Variants in TRPM4 observed in about 807,000 individuals in gnomAD.
TRPM4 encodes calcium-activated non-selective cation channel 1.
A neutral mutation model predicts 135.6 loss-of-function variants in TRPM4; 124 were observed. The observed-to-expected ratio is 0.91, with a 90% CI of 0.79 to 1.06. The LOEUF (loss-of-function observed/expected upper bound fraction) is 1.06. Ranked by LOEUF, TRPM4 falls within the 50% of genes least tolerant of loss-of-function variation. The pLI is 0.00. For missense variants in TRPM4, 1,658 were observed against 1,671.4 expected (o/e 0.99, Z 0.14); for synonymous variants, 745 against 705.6 (o/e 1.06, Z -0.88).
chr19:49,200,553 T>A, intron 18 of TRPM4, 58 bp from the exon 19 acceptor site: 3 of 1,602,592 alleles, frequency 1.9e-6, no homozygotes, highest in Non-Finnish European at 1.7e-6. Flanking sequence ...TTTTGGGATA[T>A]AGGGGTGGGG....
In TRPM4 at chr19:49,181,480, G is replaced by C. The variant is rs201208460; in HGVS notation, c.1263+19G>C. On this transcript the variant is annotated intron_variant, in intron 10 of 24. Coordinates refer to ENST00000252826, the MANE Select transcript of TRPM4 (RefSeq NM_017636.4). Reference sequence around the variant, plus strand: ...ATGGCGGGTGAGGGGTCAGGGCCTGGGGGTTGGGCATACTGACAAAGGGAC... The same window carrying C: ...ATGGCGGGTGAGGGGTCAGGGCCTGCGGGTTGGGCATACTGACAAAGGGAC... The C allele has an allele frequency of 6.3e-7, 1 of 1,577,370 alleles. No homozygotes were observed. The highest frequency in any genetic ancestry group is 2.2e-5 in the East Asian group (1 of 44,690).
intron 17 of TRPM4, 70 bp downstream of exon 17, chr19:49,196,944 C>T: frequency 6.9e-7 from 1 of 1,446,732 alleles, no homozygotes; most frequent in South Asian, 1.3e-5. Flanking sequence ...CTCCCGGGGT[C>T]TCCACTCCCG....
intron 20 of TRPM4, among the ~76,000 whole-genome samples, chr19:49,202,526 A>T (rs57100476): frequency 6.6e-6 from 1 of 151,906 alleles, no homozygotes; most frequent in Non-Finnish European, 1.5e-5. Context: ...ATTTAAAAAA[A>T]TTTTTGGAGA....
chr19:49,178,737 GTATTAT>G (rs35033537), intron 9 of TRPM4, among the ~76,000 whole-genome samples: 33 of 118,826 alleles, frequency 2.8e-4, no homozygotes, highest in African/African-American at 1.0e-3. Flanking sequence ...ATAAAGCAAG[GTATTAT>G]TATTATTATT....
chr19:49,171,311 A>T lies in TRPM4; in HGVS notation c.797-46A>T, dbSNP rs2122831146. ...AATGCGGTTTTCTCCTATCTCCAGC[A>T]AAGGCTGATGGGAGGTAATCAAGCC... On this transcript the variant is annotated intron_variant, in intron 6 of 24. Transcript: ENST00000252826. The surrounding 1 kb of genome is among the most constrained non-coding windows in gnomAD (Gnocchi z 4.7). 6.2e-7 allele frequency: 1 copy of T among 1,610,936 alleles called. No individual in the cohort carries two copies. Among genetic ancestry groups the T allele is most frequent in the Middle Eastern group, 1.7e-4 (1 of 6,058 alleles).
At chr19:49,164,078 T>C (rs1490154950) in intron 2 of TRPM4, among the ~76,000 whole-genome samples, 1 of 152,256 alleles carries the variant, frequency 6.6e-6, no homozygotes, top group Non-Finnish European at 1.5e-5. Context: ...GCACCTCTGC[T>C]ATCCCTTCTG....
chr19:49,194,153 CA>C (rs1968533665), intron 16 of TRPM4, among the ~76,000 whole-genome samples: 2 of 151,432 alleles, frequency 1.3e-5, no homozygotes, highest in East Asian at 3.9e-4. Flanking sequence ...TCCTCCTCTT[CA>C]TCCTCCTCCT....
rs761730198 is a variant in TRPM4, at chr19:49,190,241, G to A, written c.2053G>A (p.Ala685Thr). ...LLTQKWWGDM[A>T]STTPIWALVL... ...GACACAGAAGTGGTGGGGAGATATG[G>A]CCAGCACTACACCCATCTGGGCCCT... The change falls in exon 15 of 25, where the codon GCC (alanine) becomes ACC (threonine). Residue 685 changes from alanine (A) to threonine (T), a missense_variant. Transcript: ENST00000252826. The A allele has an allele frequency of 6.2e-7, 1 of 1,614,128 alleles. No homozygotes were observed. The highest frequency in any genetic ancestry group is 1.1e-5 in the South Asian group (1 of 91,082).
Position 49,168,707 on chromosome 19 carries a change from A to C in TRPM4, c.767A>C (p.Tyr256Ser). Residue 256 changes from tyrosine to serine, a missense_variant, in exon 6 of 25, where the codon TAC (tyrosine) becomes TCC (serine). By Grantham distance (144) the Tyr-to-Ser change is moderately radical (BLOSUM62 -2). Around this residue, in one of 3 missense-constraint regions of TRPM4, gnomAD observed 1,412 missense variants for 1,408.7 expected, o/e 1.00. Transcript: ENST00000252826. ...CGCTTCCGCTTGCGCCTGGAGTCCT[A>C]CATCTCACAGCAGAAGACGGGCGTG... ...ENRFRLRLES[Y>S]ISQQKTGVGG... The C allele has an allele frequency of 6.2e-7, 1 of 1,604,830 alleles. No homozygotes were observed. Among genetic ancestry groups the C allele is most frequent in the Non-Finnish European group, 8.5e-7 (1 of 1,176,412 alleles).
At chr19:49,199,322 G>A (rs958264659) in intron 17 of TRPM4, among the ~76,000 whole-genome samples, 4 of 152,000 alleles carry the variant, frequency 2.6e-5, no homozygotes, top group African/African-American at 9.7e-5. Flanking sequence ...GCAGTGGCGC[G>A]ATCTCGGCTC....
chr19:49,208,000 G>A (rs1969212315), intron 20 of TRPM4, among the ~76,000 whole-genome samples: 1 of 152,134 alleles, frequency 6.6e-6, no homozygotes, highest in African/African-American at 2.4e-5. Context: ...GATTGATAAG[G>A]TCACGTGAGT....
In TRPM4 at chr19:49,166,214, A is replaced by C. The variant is rs1000130417; in HGVS notation, c.266A>C (p.Asn89Thr). Residue 89 changes from asparagine (N) to threonine (T), a missense_variant and splice_region_variant, in exon 3 of 25, where the codon AAT (asparagine) becomes ACT (threonine). Physicochemically the swap from Asn to Thr is moderately conservative, Grantham distance 65. Coordinates refer to ENST00000252826, the MANE Select transcript of TRPM4 (RefSeq NM_017636.4). ...DFTGAGRKHS[N>T]FLRLSDRTDP... ...ACGGGGGCCGGCCGCAAGCACAGCA[A>C]TGTGAGGCGGGCCTCTGTGGGCGGG... 2 of 1,600,944 alleles carry C rather than the reference A, an allele frequency of 1.2e-6. No homozygotes were observed. The highest frequency in any genetic ancestry group is 2.7e-5 in the African/African-American group (2 of 74,778).
At chr19:49,158,374 C>T (rs2041559951) in intron 2 of TRPM4, 115 bp downstream of exon 2, 2 of 970,484 alleles carry the variant, frequency 2.1e-6, no homozygotes, top group Non-Finnish European at 3.3e-6. Flanking sequence ...GGGACCTTCC[C>T]AAGGGCGTTC....
Position 49,211,719 on chromosome 19 carries a change from C to T in TRPM4, c.*221C>T, listed in dbSNP as rs112240013. 22 of 643,126 alleles carry T rather than the reference C, an allele frequency of 3.4e-5. No individual in the cohort carries two copies. In the African/African-American group the frequency reaches 3.5e-4, roughly 10 times the overall value. The allele number at this position is 643,126 out of a possible 1,614,324, so 39.8% of individuals were successfully genotyped here. On this transcript the variant is annotated 3_prime_UTR_variant, in exon 25 of 25. Transcript: ENST00000252826. This position sits in a 1 kb window ranked among gnomAD's most constrained non-coding sequence, Gnocchi z 4.8. ...AGTCCCAGCCTGGGAGGATCAAGGC[C>T]TGGATCCCGGGCCGTTATCCATCTG... is the stretch of plus-strand genomic sequence containing the variant.
At chr19:49,174,187 C>T (rs67279015) in intron 9 of TRPM4, among the ~76,000 whole-genome samples, 29,158 of 152,036 alleles carry the variant, frequency 0.19, 3,351 homozygotes, top group South Asian at 0.33. Context: ...GAGTCTTGCT[C>T]TGTCGCCCAG....
chr19:49,210,546 C>A lies in TRPM4; in HGVS notation c.3328+141C>A. ...GGGGTTTAAGCAACAAGGGGCGGAG[C>A]TTAAGCACTGAGGGGCAGTGCTTAC... On this transcript the variant is annotated intron_variant, in intron 21 of 24. Transcript: ENST00000252826. This position sits in a 1 kb window ranked among gnomAD's most constrained non-coding sequence, Gnocchi z 4.1. The A allele has an allele frequency of 1.4e-6, 2 of 1,417,892 alleles. No individual in the cohort carries two copies. Among genetic ancestry groups the A allele is most frequent in the Non-Finnish European group, 1.9e-6 (2 of 1,025,810 alleles). 87.8% of individuals were successfully genotyped at this position (1,417,892 alleles called of 1,614,324 possible).
At chr19:49,176,060 A>T (rs1443199618) in intron 9 of TRPM4, among the ~76,000 whole-genome samples, 1 of 149,674 alleles carries the variant, frequency 6.7e-6, no homozygotes, top group Admixed American at 6.7e-5. Context: ...AGTAGCTGGG[A>T]TTACAGGTGC....
rs753395542 is a variant in TRPM4 at position 49,202,010 on chromosome 19, G to A, written c.3000G>A (p.Trp1000Ter). The change falls in exon 20 of 25, where the codon TGG (tryptophan) becomes TGA (stop). Residue 1000 changes from tryptophan to a stop codon, truncating the protein, a stop_gained. Transcript: ENST00000252826. LOFTEE classifies it high-confidence loss of function. The part of the protein sequence containing the change: ...HSNCSSEPGF[W>*]AHPPGAQAGT... ...ACTGCTCGTCGGAGCCCGGCTTCTG[G>A]GCACACCCTCCTGGGGCCCAGGCGG... The A allele has an allele frequency of 6.2e-7, 1 of 1,613,588 alleles. No homozygotes were observed. Among genetic ancestry groups the A allele is most frequent in the Non-Finnish European group, 8.5e-7 (1 of 1,180,020 alleles).
rs771356800 is a variant in TRPM4, at chr19:49,211,008, T to G, written c.3462-7T>G. Reference sequence around the variant, plus strand: ...GGTGCCCCCGGTAAGAGGCCCTCCCTTCTCAGGGTGGACTTGGCACTGAAA... The same window carrying G: ...GGTGCCCCCGGTAAGAGGCCCTCCCGTCTCAGGGTGGACTTGGCACTGAAA... On this transcript the variant is annotated splice_polypyrimidine_tract_variant and splice_region_variant and intron_variant, in intron 22 of 24. Coordinates refer to ENST00000252826, the MANE Select transcript of TRPM4 (RefSeq NM_017636.4). This position sits in a 1 kb window ranked among gnomAD's most constrained non-coding sequence, Gnocchi z 4.8. 21 of 1,613,680 alleles carry G rather than the reference T, an allele frequency of 1.3e-5. No homozygotes were observed. In the Admixed American group the frequency reaches 3.2e-4, roughly 24 times the overall value.
Sources: gnomAD v4.1 joint callset for allele counts (sites outside exome capture counted in the v4.1 genomes callset) on GRCh38, gnomAD v4.1.1 for gene constraint, gnomAD v4.1.1 regional missense constraint, Gnocchi (gnomAD v3.1) non-coding constraint, MANE v1.5 for transcripts, NCBI Gene and HGNC (gene_info 2026-07-23, HGNC 2026-07-21) for gene names.